MAGI2: variants seen among roughly 807,000 people sequenced by gnomAD.
MAGI2 encodes membrane-associated guanylate kinase, WW and PDZ domain-containing protein 2.
Under a neutral mutation model 133.3 loss-of-function variants are expected in MAGI2, and 35 were observed. The ratio of observed to expected loss-of-function variants is 0.26; its 90% CI spans 0.20 to 0.35. The LOEUF (loss-of-function observed/expected upper bound fraction) is 0.35. MAGI2 is among the 10% of genes least tolerant of loss of function. The pLI is 1.00. For synonymous variants in MAGI2, 729 were observed against 710.6 expected (o/e 1.03, Z -0.41); for missense variants, 1,636 against 1,863.4 (o/e 0.88, Z 2.25).
At chr7:78,299,046 G>GACTT (rs1281255549) in intron 9 of MAGI2, among the ~76,000 whole-genome samples, 1 of 151,078 alleles carries the variant, frequency 6.6e-6, no homozygotes, top group Non-Finnish European at 1.5e-5. Flanking sequence ...TGAAACTCCT[G>GACTT]ACTTCAGGAG....
chr7:78,454,075 A>G (rs1188114484), intron 6 of MAGI2, among the ~76,000 whole-genome samples: 7 of 152,152 alleles, frequency 4.6e-5, no homozygotes, highest in Admixed American at 2.0e-4. Flanking sequence ...CCGGATTAAC[A>G]TGTCAGAGCT....
chr7:78,178,880 T>C (rs1826925501), intron 13 of MAGI2, among the ~76,000 whole-genome samples: 2 of 152,346 alleles, frequency 1.3e-5, no homozygotes, highest in South Asian at 4.1e-4. Context: ...TGAAGTCAGC[T>C]GAAAGAACAC....
At chr7:79,433,040 T>C (rs1253090863) in intron 1 of MAGI2, among the ~76,000 whole-genome samples, 1 of 152,192 alleles carries the variant, frequency 6.6e-6, no homozygotes. Flanking sequence ...CCCTTTTCAC[T>C]GGTTTCCAGA....
rs904347487 is a variant in MAGI2, at chr7:78,019,355, G to A, written c.4328C>T (p.Pro1443Leu). Residue 1443 changes from proline (P) to leucine (L), a missense_variant, in exon 22 of 22, where the codon CCC becomes CTC. By Grantham distance (98) the Pro-to-Leu change is moderately conservative. Around this residue, in one of 5 missense-constraint regions of MAGI2, gnomAD observed 354 missense variants for 298.7 expected, o/e 1.19. Coordinates refer to ENST00000354212, the MANE Select transcript of MAGI2 (RefSeq NM_012301.4). ...CGAGGCGCCGGGTTTGAGGACGCTGGGCAGCTTGTCAGAACCCGGCACCTT... is the reference window on the plus strand; with the variant it reads ...CGAGGCGCCGGGTTTGAGGACGCTGAGCAGCTTGTCAGAACCCGGCACCTT... ...PWKVPGSDKLPSVLKPGASAA... is the reference protein window; with the variant it reads ...PWKVPGSDKLLSVLKPGASAA... 1.5e-5 allele frequency: 22 copies of A among 1,502,914 alleles called. No homozygotes were observed. The highest frequency in any genetic ancestry group is 1.9e-5 in the Non-Finnish European group (21 of 1,134,850). The allele number at this position is 1,502,914 out of a possible 1,614,324, so 93.1% of individuals were successfully genotyped here.
chr7:78,528,727 A>G (rs1373753590), intron 3 of MAGI2, among the ~76,000 whole-genome samples: 3 of 152,176 alleles, frequency 2.0e-5, no homozygotes, highest in Non-Finnish European at 4.4e-5. Flanking sequence ...AAACAAAAAT[A>G]TATCATTTCC....
chr7:79,203,319 T>C (rs1364632949), intron 1 of MAGI2, among the ~76,000 whole-genome samples: 1 of 152,012 alleles, frequency 6.6e-6, no homozygotes, highest in Non-Finnish European at 1.5e-5. Flanking sequence ...TTTTACTCTT[T>C]AACTCAAAGT....
chr7:79,028,293 GTGTGTA>G (rs1562805525), intron 1 of MAGI2, among the ~76,000 whole-genome samples: 11 of 15,778 alleles, frequency 7.0e-4, no homozygotes, highest in African/African-American at 2.0e-3. Flanking sequence ...ATATATATAT[GTGTGTA>G]TATATATATA....
At chr7:79,300,582 G>T (rs569032700) in intron 1 of MAGI2, among the ~76,000 whole-genome samples, 1 of 152,300 alleles carries the variant, frequency 6.6e-6, no homozygotes, top group Non-Finnish European at 1.5e-5. Context: ...TATTTAAAAG[G>T]ATAGCAGAGC....
At chr7:79,429,717 A>G (rs996025232) in intron 1 of MAGI2, among the ~76,000 whole-genome samples, 2 of 152,170 alleles carry the variant, frequency 1.3e-5, no homozygotes, top group African/African-American at 4.8e-5. Context: ...AAAAAAGGTA[A>G]AAATAATTGG....
intron 9 of MAGI2, among the ~76,000 whole-genome samples, chr7:78,298,810 GTTTTT>G (rs71085520): frequency 3.8e-5 from 3 of 79,606 alleles, no homozygotes; most frequent in African/African-American, 1.3e-4. Context: ...TGGCCTAAAC[GTTTTT>G]TTTTTTTTTT....
intron 18 of MAGI2, among the ~76,000 whole-genome samples, chr7:78,130,131 T>C (rs140672229): frequency 1.0e-3 from 159 of 152,234 alleles, no homozygotes; most frequent in African/African-American, 3.6e-3. Context: ...ATAACAGCTC[T>C]TCTGTTGTTT....
chr7:79,004,330 C>T (rs1222078905), intron 2 of MAGI2, among the ~76,000 whole-genome samples: 1 of 152,012 alleles, frequency 6.6e-6, no homozygotes, highest in Non-Finnish European at 1.5e-5. Flanking sequence ...GTGGAGATCA[C>T]TATGTTAAAT....
At chr7:78,746,117 T>A (rs142190478) in intron 2 of MAGI2, among the ~76,000 whole-genome samples, 178 of 152,312 alleles carry the variant, frequency 1.2e-3, no homozygotes, top group African/African-American at 4.1e-3. Context: ...GAGCTTCACT[T>A]TGTCATAATT....
intron 2 of MAGI2, among the ~76,000 whole-genome samples, chr7:78,879,646 C>A (rs1468616384): frequency 6.6e-6 from 1 of 151,800 alleles, no homozygotes; most frequent in Non-Finnish European, 1.5e-5. Flanking sequence ...TGAGAAGGAG[C>A]CAGCACAAGA....
chr7:78,623,777 G>A (rs1354902424), intron 3 of MAGI2, among the ~76,000 whole-genome samples: 2 of 152,120 alleles, frequency 1.3e-5, no homozygotes, highest in Admixed American at 1.3e-4. Flanking sequence ...GAACAGTCAT[G>A]CATTGTGTAA....
At chr7:78,624,565 A>C (rs907744875) in intron 3 of MAGI2, among the ~76,000 whole-genome samples, 2 of 152,152 alleles carry the variant, frequency 1.3e-5, no homozygotes, top group Non-Finnish European at 2.9e-5. Context: ...CCAACACTGC[A>C]TGTTCTCACT....
At chr7:78,080,529 C>G (rs1049561830) in intron 20 of MAGI2, among the ~76,000 whole-genome samples, 1 of 152,216 alleles carries the variant, frequency 6.6e-6, no homozygotes, top group Non-Finnish European at 1.5e-5. Flanking sequence ...ATCCCTCCCC[C>G]AGTAGCCCTC....
chr7:78,655,929 C>T (rs1347288320), intron 2 of MAGI2, among the ~76,000 whole-genome samples: 2 of 138,394 alleles, frequency 1.4e-5, no homozygotes, highest in African/African-American at 2.7e-5. Flanking sequence ...TGCAGTGAGC[C>T]GAGATCGCGC....
intron 1 of MAGI2, among the ~76,000 whole-genome samples, chr7:79,258,663 AG>A (rs1474057429): frequency 6.6e-6 from 1 of 152,210 alleles, no homozygotes; most frequent in Non-Finnish European, 1.5e-5. Flanking sequence ...TTTGTTGCCC[AG>A]GGTGGAGCAC....
Sources: gnomAD v4.1 joint callset for allele counts (sites outside exome capture counted in the v4.1 genomes callset) on GRCh38, gnomAD v4.1.1 for gene constraint, gnomAD v4.1.1 regional missense constraint, MANE v1.5 for transcripts, NCBI Gene and HGNC (gene_info 2026-07-23, HGNC 2026-07-21) for gene names.